The following AUTS2 variants were observed in gnomAD, a reference collection of about 807,000 sequenced individuals.
AUTS2 encodes activator of transcription and developmental regulator AUTS2, also known as autism susceptibility gene 2 protein.
AUTS2 carries 17 observed loss-of-function variants against 112.4 expected under a neutral mutation model. That is an observed-to-expected ratio of 0.15 (90% CI 0.10 to 0.23). The LOEUF is 0.23. Among genes scored for constraint, AUTS2 ranks in the 10% least tolerant of loss-of-function variants. AUTS2 has a pLI of 1.00. For synonymous variants in AUTS2, 751 were observed against 702.7 expected (o/e 1.07, Z -1.09); for missense variants, 1,510 against 1,701.6 (o/e 0.89, Z 1.98).
At chr7:70,071,676 A>G (rs1802774164) in intron 2 of AUTS2, among the ~76,000 whole-genome samples, 1 of 152,150 alleles carries the variant, frequency 6.6e-6, no homozygotes, top group Non-Finnish European at 1.5e-5. Context: ...GATTTATTTG[A>G]ACCTATTTCT....
intron 5 of AUTS2, among the ~76,000 whole-genome samples, chr7:70,680,112 G>A (rs917866819): frequency 6.6e-6 from 1 of 152,104 alleles, no homozygotes; most frequent in Non-Finnish European, 1.5e-5. Context: ...CCATGAGAGT[G>A]GGGAGGAGGG....
At chr7:70,241,068 A>C (rs1226546327) in intron 4 of AUTS2, among the ~76,000 whole-genome samples, 1 of 152,198 alleles carries the variant, frequency 6.6e-6, no homozygotes, top group Admixed American at 6.5e-5. Context: ...GCAATTGGGA[A>C]GCCTTCCCAG....
At chr7:70,705,438 A>G (rs1035947850) in intron 6 of AUTS2, among the ~76,000 whole-genome samples, 5 of 152,202 alleles carry the variant, frequency 3.3e-5, no homozygotes, top group Admixed American at 6.5e-5. Flanking sequence ...TATTAATTTC[A>G]TAGTGCCTGA....
At chr7:70,382,852 T>C (rs1236524562) in intron 4 of AUTS2, among the ~76,000 whole-genome samples, 1 of 152,176 alleles carries the variant, frequency 6.6e-6, no homozygotes, top group Admixed American at 6.5e-5. Flanking sequence ...TGGATTTTCA[T>C]AAAATGACAC....
chr7:70,260,693 A>C (rs932875632), intron 4 of AUTS2, among the ~76,000 whole-genome samples: 19 of 152,090 alleles, frequency 1.2e-4, no homozygotes, highest in African/African-American at 4.6e-4. Flanking sequence ...TCCCACTCCT[A>C]GGTATTTACC....
At chr7:69,917,859 T>TTGC (rs1795651227) in intron 2 of AUTS2, among the ~76,000 whole-genome samples, 1 of 151,644 alleles carries the variant, frequency 6.6e-6, no homozygotes, top group East Asian at 1.9e-4. Flanking sequence ...GTTGTTGTTG[T>TTGC]TGCGACGGAG....
At chr7:70,733,274 G>C (rs1397175518) in intron 6 of AUTS2, among the ~76,000 whole-genome samples, 1 of 152,180 alleles carries the variant, frequency 6.6e-6, no homozygotes, top group East Asian at 1.9e-4. Context: ...TGGAGACTTA[G>C]AGCTAGTGGT....
In AUTS2 at chr7:70,785,033, A is replaced by C. The variant is rs746296981; in HGVS notation, c.2224+14A>C. 2.5e-5 allele frequency: 41 copies of C among 1,613,290 alleles called. No homozygotes were observed. The highest frequency in any genetic ancestry group is 3.2e-5 in the Non-Finnish European group (38 of 1,179,406). On this transcript the variant is annotated intron_variant, in intron 16 of 18. Coordinates refer to ENST00000342771, the MANE Select transcript of AUTS2 (RefSeq NM_015570.4). ...CTGCCCACCTAGGTGAGTCGCCCAA[A>C]ATAATGGGAACTGAGATGTGTGCTT...
chr7:70,042,329 A>G (rs904045845), intron 2 of AUTS2, among the ~76,000 whole-genome samples: 5 of 152,190 alleles, frequency 3.3e-5, no homozygotes, highest in Admixed American at 2.6e-4. Flanking sequence ...AAAAAAATTG[A>G]TAATGAGATT....
At chr7:69,603,830 G>T (rs1792562412) in intron 1 of AUTS2, among the ~76,000 whole-genome samples, 1 of 152,208 alleles carries the variant, frequency 6.6e-6, no homozygotes, top group South Asian at 2.1e-4. Flanking sequence ...AAATGGGAAT[G>T]TTGGGGTCCT....
intron 1 of AUTS2, among the ~76,000 whole-genome samples, chr7:69,850,712 T>A (rs1236365014): frequency 6.6e-6 from 1 of 152,200 alleles, no homozygotes; most frequent in Non-Finnish European, 1.5e-5. Context: ...CTTTTACTGT[T>A]AAGTTTTGAA....
chr7:70,103,563 T>C (rs902297590), intron 2 of AUTS2, among the ~76,000 whole-genome samples: 1 of 152,118 alleles, frequency 6.6e-6, no homozygotes, highest in Admixed American at 6.5e-5. Flanking sequence ...TTTTCTCACT[T>C]TAAATATTTA....
intron 1 of AUTS2, among the ~76,000 whole-genome samples, chr7:69,830,564 A>G (rs1451098147): frequency 1.3e-5 from 2 of 152,132 alleles, no homozygotes; most frequent in Non-Finnish European, 2.9e-5. Context: ...TATTTTAGTT[A>G]TTTTAACAAC....
chr7:70,624,886 G>A (rs1404602856), intron 5 of AUTS2, among the ~76,000 whole-genome samples: 1 of 152,152 alleles, frequency 6.6e-6, no homozygotes. Context: ...ATGGCACTGT[G>A]TAAGTCCCCA....
At chr7:70,454,655 G>A (rs1029082918) in intron 5 of AUTS2, among the ~76,000 whole-genome samples, 5 of 152,168 alleles carry the variant, frequency 3.3e-5, no homozygotes, top group Admixed American at 6.5e-5. Context: ...AGCACTTTGC[G>A]ACTGAGCGTT....
rs796128893 is a variant in AUTS2 at position 70,249,170 on chromosome 7, GGCT to G, written c.660+114603_660+114605del. On this transcript the variant is annotated intron_variant, in intron 4 of 18. Coordinates refer to ENST00000342771, the MANE Select transcript of AUTS2 (RefSeq NM_015570.4). ...CTTTAATGTAATTTGTTCTTTTTCT[GGCT>G]GCTTTTAAGTCTTTCTTTTGTCTTT... Among the ~76,000 whole-genome samples the G allele has an allele frequency of 4.5e-4, 68 of 152,074 alleles. 1 individual carries two copies. Among genetic ancestry groups the G allele is most frequent in the African/African-American group, 1.4e-3 (60 of 41,508 alleles).
chr7:70,789,616 G>A, intron 18 of AUTS2, 132 bp from the exon 19 acceptor site: 3 of 1,079,476 alleles, frequency 2.8e-6, no homozygotes, highest in Admixed American at 2.5e-5. Flanking sequence ...GGGCACGGCT[G>A]CTGCCTTGGC....
At chr7:70,116,460 AC>A (rs1356941898) in intron 2 of AUTS2, among the ~76,000 whole-genome samples, 1 of 152,182 alleles carries the variant, frequency 6.6e-6, no homozygotes, top group Admixed American at 6.5e-5. Flanking sequence ...TCCCCTAGGC[AC>A]CATAGCCACT....
chr7:70,501,165 A>C (rs1472681123), intron 5 of AUTS2, among the ~76,000 whole-genome samples: 1 of 152,256 alleles, frequency 6.6e-6, no homozygotes, highest in African/African-American at 2.4e-5. Context: ...ACATTAGTAT[A>C]CTGGTATATC....
Sources: gnomAD v4.1 joint callset for allele counts (sites outside exome capture counted in the v4.1 genomes callset) on GRCh38, gnomAD v4.1.1 for gene constraint, MANE v1.5 for transcripts, NCBI Gene and HGNC (gene_info 2026-07-23, HGNC 2026-07-21) for gene names.